KCNQ1OT1: variants seen among roughly 807,000 people sequenced by gnomAD.
KCNQ1OT1 encodes KCNQ1 antisense RNA 2 (non-protein coding).
chr11:2,617,534 A>G lies in KCNQ1OT1; in HGVS notation n.82461T>C. On this transcript the variant is annotated non_coding_transcript_exon_variant, in exon 1 of 1. Coordinates refer to ENST00000597346, the Ensembl canonical transcript of KCNQ1OT1. This position sits in a 1 kb window ranked among gnomAD's most constrained non-coding sequence, Gnocchi z 4.6. ...TGCCACAATGAATATAGGAGCGCAG[A>G]TATCTTTATGAGGTGGAGATTTCAT... The G allele has an allele frequency of 2.5e-6, 1 of 398,506 alleles. No individual in the cohort carries two copies. The highest frequency in any genetic ancestry group is 4.4e-6 in the Non-Finnish European group (1 of 225,976). 24.7% of individuals were successfully genotyped at this position (398,506 alleles called of 1,614,324 possible). A position where few individuals can be genotyped will look rare whatever the true frequency, so the allele number is the denominator to read the frequency against.
chr11:2,643,250 A>G, exon 1 of KCNQ1OT1: 1 of 398,242 alleles, frequency 2.5e-6, no homozygotes, highest in Non-Finnish European at 4.4e-6. Context: ...CTAATACTGG[A>G]AATGGAGAAT....
chr11:2,638,454 GA>G (rs1289052556), exon 1 of KCNQ1OT1: 1 of 152,160 alleles, frequency 6.6e-6, no homozygotes, highest in African/African-American at 2.4e-5. Flanking sequence ...GGCTGGATAT[GA>G]AATTCTGGGT....
Position 2,686,896 on chromosome 11 carries a change from T to C in KCNQ1OT1, n.13099A>G, listed in dbSNP as rs554990328. 1.2e-3 allele frequency: 473 copies of C among 398,646 alleles called. 2 individuals carry two copies. The highest frequency in any genetic ancestry group is 1.8e-3 in the Non-Finnish European group (410 of 226,108). The allele number at this position is 398,646 out of a possible 1,614,324, so 24.7% of individuals were successfully genotyped here. ...GTCTGCCCAGTGACCAGCCTGAAGA[T>C]AGAGGCAACCCAATCCAGGTCCATG... is the stretch of plus-strand genomic sequence containing the variant. On this transcript the variant is annotated non_coding_transcript_exon_variant, in exon 1 of 1. Coordinates refer to ENST00000597346, the Ensembl canonical transcript of KCNQ1OT1.
In KCNQ1OT1 at chr11:2,695,158, T is replaced by G. The variant is rs1850652867; in HGVS notation, n.4837A>C. 1.5e-5 allele frequency: 6 copies of G among 398,528 alleles called. No homozygotes were observed. Among genetic ancestry groups the G allele is most frequent in the Non-Finnish European group, 2.2e-5 (5 of 226,092 alleles). 24.7% of individuals were successfully genotyped at this position (398,528 alleles called of 1,614,324 possible). A position where few individuals can be genotyped will look rare whatever the true frequency, so the allele number is the denominator to read the frequency against. Reference sequence around the variant, plus strand: ...TTCGTTGGTTCTTGGCTTTTGGGACTCTGCACAGAGTTGATCACAGCCCTC... The same window carrying G: ...TTCGTTGGTTCTTGGCTTTTGGGACGCTGCACAGAGTTGATCACAGCCCTC... On this transcript the variant is annotated non_coding_transcript_exon_variant, in exon 1 of 1. Transcript: ENST00000597346. This position sits in a 1 kb window ranked among gnomAD's most constrained non-coding sequence, Gnocchi z 5.2.
exon 1 of KCNQ1OT1, chr11:2,616,479 A>T (rs1849066443): frequency 2.5e-6 from 1 of 397,732 alleles, no homozygotes; most frequent in Admixed American, 4.4e-5. Context: ...GTAAGGTATA[A>T]TATTAGGTTA....
exon 1 of KCNQ1OT1, chr11:2,636,853 A>G (rs1413677963): frequency 1.3e-5 from 2 of 152,178 alleles, no homozygotes; most frequent in East Asian, 3.9e-4. Context: ...ATTATTGCCT[A>G]AATTTCAGAG....
At position 2,697,913 on chromosome 11, in the gene KCNQ1OT1, C is replaced by G. The variant is rs190428849; in HGVS notation, n.2082G>C. The G allele has an allele frequency of 5.2e-4, 209 of 398,536 alleles. 1 individual carries two copies. Among genetic ancestry groups the G allele is most frequent in the African/African-American group, 3.8e-3 (186 of 48,714 alleles). The allele number at this position is 398,536 out of a possible 1,614,324, so 24.7% of individuals were successfully genotyped here. A position where few individuals can be genotyped will look rare whatever the true frequency, so the allele number is the denominator to read the frequency against. ...CTGGAGCATAAATCCTGAAACAGAC[C>G]CACTTTTCTCCTCAGCATGTTAGGA... On this transcript the variant is annotated non_coding_transcript_exon_variant, in exon 1 of 1. Transcript: ENST00000597346.
exon 1 of KCNQ1OT1, chr11:2,610,365 A>G (rs1478169200): frequency 3.0e-5 from 12 of 398,156 alleles, no homozygotes; most frequent in Admixed American, 8.8e-5. Context: ...ATATAATGAT[A>G]TATCTTTAAA....
In KCNQ1OT1 at chr11:2,612,873, T is replaced by C. The variant is rs1228283391; in HGVS notation, n.87122A>G. On this transcript the variant is annotated non_coding_transcript_exon_variant, in exon 1 of 1. Coordinates refer to ENST00000597346, the Ensembl canonical transcript of KCNQ1OT1. This position sits in a 1 kb window ranked among gnomAD's most constrained non-coding sequence, Gnocchi z 5.5. Reference sequence around the variant, plus strand: ...AACTCTGGATTCTAGTTCTTCTCCCTAACCAGGGATGATTTCTGTTACTCA... The same window carrying C: ...AACTCTGGATTCTAGTTCTTCTCCCCAACCAGGGATGATTTCTGTTACTCA... 5.0e-6 allele frequency: 2 copies of C among 398,510 alleles called. No individual in the cohort carries two copies. The highest frequency in any genetic ancestry group is 8.8e-6 in the Non-Finnish European group (2 of 226,066). 24.7% of individuals were successfully genotyped at this position (398,510 alleles called of 1,614,324 possible).
chr11:2,610,172 A>G (rs1425106228), exon 1 of KCNQ1OT1: 10 of 397,234 alleles, frequency 2.5e-5, no homozygotes, highest in Non-Finnish European at 2.2e-5. Context: ...TCAATATTCT[A>G]TTTGTTATTA....
Position 2,644,544 on chromosome 11 carries a change from T to C in KCNQ1OT1, n.55451A>G, listed in dbSNP as rs1849637113. ...TAATATTATATTGAATTTTTCAAGG[T>C]TTCATCAATTTCTTTTTCACTGGAA... is the stretch of plus-strand genomic sequence containing the variant. On this transcript the variant is annotated non_coding_transcript_exon_variant, in exon 1 of 1. Transcript: ENST00000597346. 7.5e-6 allele frequency: 3 copies of C among 398,364 alleles called. No homozygotes were observed. The South Asian group carries it at 3.8e-4, about 51-fold the overall frequency. The allele number at this position is 398,364 out of a possible 1,614,324, so 24.7% of individuals were successfully genotyped here.
At chr11:2,680,312 C>G in exon 1 of KCNQ1OT1, 1 of 343,954 alleles carries the variant, frequency 2.9e-6, no homozygotes, top group Non-Finnish European at 4.7e-6. Flanking sequence ...TGAAGAATTG[C>G]CTTCCCCACC....
rs553757497 is a variant in KCNQ1OT1, at chr11:2,621,087, C to T, written n.78908G>A. The T allele has an allele frequency of 7.6e-6, 3 of 397,222 alleles. No homozygotes were observed. Among genetic ancestry groups the T allele is most frequent in the South Asian group, 1.4e-4 (1 of 7,004 alleles). 24.6% of individuals were successfully genotyped at this position (397,222 alleles called of 1,614,324 possible). Reference sequence around the variant, plus strand: ...CCACCTCCTGGGTTCAAGCAATTCTCCTGTCTCAGACTCCTGAGTAGCTGG... The same window carrying T: ...CCACCTCCTGGGTTCAAGCAATTCTTCTGTCTCAGACTCCTGAGTAGCTGG... On this transcript the variant is annotated non_coding_transcript_exon_variant, in exon 1 of 1. Coordinates refer to ENST00000597346, the Ensembl canonical transcript of KCNQ1OT1. This position sits in a 1 kb window ranked among gnomAD's most constrained non-coding sequence, Gnocchi z 5.7.
rs1554899981 is a variant in KCNQ1OT1, at chr11:2,634,135, A to ATTC, written n.65859_65860insGAA. 3.1e-5 allele frequency: 12 copies of ATTC among 382,572 alleles called. No homozygotes were observed. In the East Asian group the frequency reaches 4.4e-4, roughly 14 times the overall value. 23.7% of individuals were successfully genotyped at this position (382,572 alleles called of 1,614,324 possible). A position where few individuals can be genotyped will look rare whatever the true frequency, so the allele number is the denominator to read the frequency against. On this transcript the variant is annotated non_coding_transcript_exon_variant, in exon 1 of 1. Coordinates refer to ENST00000597346, the Ensembl canonical transcript of KCNQ1OT1. ...TATTTCGGTGAAGATTGTCTTTGGTATTTTTTTTTTTTTAGATTTCTCTTT... is the reference window on the plus strand; with the variant it reads ...TATTTCGGTGAAGATTGTCTTTGGTATTCTTTTTTTTTTTTTAGATTTCTCTTT...
chr11:2,660,915 T>A, exon 1 of KCNQ1OT1: 2 of 398,670 alleles, frequency 5.0e-6, no homozygotes, highest in Non-Finnish European at 8.8e-6. Flanking sequence ...CTTAAAACTA[T>A]AAGAGCCTGA....
At chr11:2,637,660 G>T (rs569336352) in exon 1 of KCNQ1OT1, 1 of 152,222 alleles carries the variant, frequency 6.6e-6, no homozygotes, top group Non-Finnish European at 1.5e-5. Context: ...TGTATATTCT[G>T]TTGATTTGGG....
At position 2,674,077 on chromosome 11, in the gene KCNQ1OT1, G is replaced by A. The variant is rs962020332; in HGVS notation, n.25918C>T. 2 of 398,684 alleles carry A rather than the reference G, an allele frequency of 5.0e-6. No homozygotes were observed. Among genetic ancestry groups the A allele is most frequent in the East Asian group, 7.1e-5 (2 of 28,056 alleles). The allele number at this position is 398,684 out of a possible 1,614,324, so 24.7% of individuals were successfully genotyped here. On this transcript the variant is annotated non_coding_transcript_exon_variant, in exon 1 of 1. Transcript: ENST00000597346. The surrounding 1 kb of genome is among the most constrained non-coding windows in gnomAD (Gnocchi z 5.9). ...TTGCTGGCTGCCCCATGGGGGCTTGGGCTAGGTCTCCCTGCCGGTGGGGAG... is the reference window on the plus strand; with the variant it reads ...TTGCTGGCTGCCCCATGGGGGCTTGAGCTAGGTCTCCCTGCCGGTGGGGAG...
rs994460204 is a variant in KCNQ1OT1, at chr11:2,669,953, G to C, written n.30042C>G. On this transcript the variant is annotated non_coding_transcript_exon_variant, in exon 1 of 1. Transcript: ENST00000597346. The surrounding 1 kb of genome is among the most constrained non-coding windows in gnomAD (Gnocchi z 5.6). ...AGTCTGGAGTCAGGTGGAGGGAAGG[G>C]AAGTCTAGAGGTCCCCAAGTCACAA... The C allele has an allele frequency of 7.3e-5, 29 of 398,608 alleles. No individual in the cohort carries two copies. Among genetic ancestry groups the C allele is most frequent in the African/African-American group, 1.2e-4 (6 of 48,620 alleles). 24.7% of individuals were successfully genotyped at this position (398,608 alleles called of 1,614,324 possible).
exon 1 of KCNQ1OT1, chr11:2,681,112 C>A (rs1209126666): frequency 2.5e-6 from 1 of 398,296 alleles, no homozygotes; most frequent in Non-Finnish European, 4.4e-6. Flanking sequence ...AAATAGATGC[C>A]CCCCAAAAAA....
Sources: allele counts gnomAD v4.1 joint callset, GRCh38; gene constraint gnomAD v4.1.1; non-coding constraint Gnocchi (gnomAD v3.1); transcripts MANE v1.5; gene names NCBI Gene and HGNC (gene_info 2026-07-23, HGNC 2026-07-21).